The following CCDC102B variants were observed in gnomAD, a reference collection of about 807,000 sequenced individuals.
CCDC102B encodes the protein coiled-coil domain containing 102B.
CCDC102B carries 75 observed loss-of-function variants against 57.4 expected under a neutral mutation model. The observed-to-expected ratio is 1.31, with a 90% CI of 1.08 to 1.58. The LOEUF (loss-of-function observed/expected upper bound fraction) is 1.58. CCDC102B is among the 40% of genes most tolerant of loss of function. The pLI, the probability that CCDC102B is intolerant of heterozygous loss-of-function variation, is 0.00. For missense variants in CCDC102B, 636 were observed against 582.6 expected, an observed-to-expected ratio of 1.09 and a Z score of -0.94; for synonymous variants, 206 against 201.9, an observed-to-expected ratio of 1.02 and a Z score of -0.17.
intron 1 of CCDC102B, among the ~76,000 whole-genome samples, chr18:68,826,879 G>A (rs2036924145): frequency 1.3e-5 from 2 of 152,068 alleles, no homozygotes; most frequent in Non-Finnish European, 2.9e-5. Flanking sequence ...ATGGATAAGA[G>A]TTAAAATGAA....
intron 6 of CCDC102B, among the ~76,000 whole-genome samples, chr18:68,987,330 C>G (rs1352778361): frequency 6.6e-6 from 1 of 152,072 alleles, no homozygotes; most frequent in Admixed American, 6.5e-5. Context: ...AAAAGACTCC[C>G]CATTCAATAA....
At chr18:68,934,245 A>T (rs1392234550) in intron 6 of CCDC102B, among the ~76,000 whole-genome samples, 2 of 151,894 alleles carry the variant, frequency 1.3e-5, no homozygotes, top group Non-Finnish European at 2.9e-5. Context: ...TTGTCGGCAA[A>T]CTCTATGAAG....
intron 7 of CCDC102B, among the ~76,000 whole-genome samples, chr18:69,039,697 T>C (rs1343323474): frequency 1.3e-5 from 2 of 151,958 alleles, no homozygotes; most frequent in Non-Finnish European, 2.9e-5. Flanking sequence ...TTCCATTTTA[T>C]TTAATGAAAT....
chr18:68,992,183 G>C (rs2050887649), intron 6 of CCDC102B, among the ~76,000 whole-genome samples: 1 of 152,092 alleles, frequency 6.6e-6, no homozygotes, highest in Non-Finnish European at 1.5e-5. Flanking sequence ...AATTGCTTGG[G>C]AAGGGAGTTT....
At chr18:68,754,118 G>T (rs893070329) in intron 2 of CCDC102B, 1 of 151,962 alleles carries the variant, frequency 6.6e-6, no homozygotes. Flanking sequence ...ATTATTACTT[G>T]GGTGTAAATT....
chr18:68,812,298 T>C (rs2036296777), intron 1 of CCDC102B, among the ~76,000 whole-genome samples: 2 of 152,058 alleles, frequency 1.3e-5, no homozygotes, highest in African/African-American at 4.8e-5. Context: ...TTCTACTTTA[T>C]AAAAAGTGAT....
At chr18:68,873,669 G>T (rs958108579) in intron 4 of CCDC102B, among the ~76,000 whole-genome samples, 23 of 151,940 alleles carry the variant, frequency 1.5e-4, no homozygotes, top group African/African-American at 4.3e-4. Context: ...AGTTCCTGGG[G>T]ACTAGTACAT....
At chr18:68,717,449 C>T (rs574319396) in intron 2 of CCDC102B, among the ~76,000 whole-genome samples, 1 of 152,092 alleles carries the variant, frequency 6.6e-6, no homozygotes, top group South Asian at 2.1e-4. Flanking sequence ...TTAATCTCAC[C>T]TGTTTTTATT....
chr18:68,885,119 T>C (rs1022376315), intron 5 of CCDC102B, among the ~76,000 whole-genome samples: 3 of 151,982 alleles, frequency 2.0e-5, no homozygotes, highest in Non-Finnish European at 4.4e-5. Flanking sequence ...TTACATAAAA[T>C]GTAACATGGA....
At chr18:68,780,387 A>G (rs561958275) in intron 2 of CCDC102B, among the ~76,000 whole-genome samples, 1 of 151,752 alleles carries the variant, frequency 6.6e-6, no homozygotes, top group African/African-American at 2.4e-5. Context: ...GAACTGCCAG[A>G]CTATTTTCCA....
intron 6 of CCDC102B, chr18:68,900,375 T>G (rs1351131450): frequency 6.6e-6 from 1 of 152,170 alleles, no homozygotes; most frequent in Non-Finnish European, 1.5e-5. Flanking sequence ...ATTATGTTAG[T>G]GATGCTTGAT....
chr18:69,017,823 C>G (rs2051711378), intron 7 of CCDC102B, among the ~76,000 whole-genome samples: 1 of 152,186 alleles, frequency 6.6e-6, no homozygotes, highest in South Asian at 2.1e-4. Flanking sequence ...CGGGTAACCA[C>G]CTGTCTGCTC....
At chr18:68,815,313 G>A (rs1016247909) in intron 1 of CCDC102B, among the ~76,000 whole-genome samples, 2 of 152,096 alleles carry the variant, frequency 1.3e-5, no homozygotes, top group Admixed American at 1.3e-4. Context: ...TCAAATGGAT[G>A]GAATAACATC....
chr18:68,783,151 G>A (rs545671483), intron 2 of CCDC102B, among the ~76,000 whole-genome samples: 5 of 152,172 alleles, frequency 3.3e-5, no homozygotes, highest in South Asian at 2.1e-4. Flanking sequence ...GCCTGGGAAG[G>A]CTCCTGTTTT....
At chr18:68,983,891 A>G (rs2050657632) in intron 6 of CCDC102B, among the ~76,000 whole-genome samples, 1 of 152,032 alleles carries the variant, frequency 6.6e-6, no homozygotes, top group Non-Finnish European at 1.5e-5. Context: ...AAGGAGTGAA[A>G]AAATGATTCT....
chr18:68,966,812 C>T (rs769948074), intron 6 of CCDC102B, among the ~76,000 whole-genome samples: 14 of 152,046 alleles, frequency 9.2e-5, no homozygotes, highest in Non-Finnish European at 1.6e-4. Context: ...TACTGATGGG[C>T]CTAGCATGGA....
intron 2 of CCDC102B, among the ~76,000 whole-genome samples, chr18:68,760,941 T>A (rs1002647975): frequency 2.0e-5 from 3 of 151,986 alleles, no homozygotes; most frequent in Admixed American, 2.0e-4. Flanking sequence ...TAAGATACAA[T>A]GTGCAGGCAA....
At chr18:68,808,731 G>T (rs1040726089) in intron 1 of CCDC102B, among the ~76,000 whole-genome samples, 1 of 151,962 alleles carries the variant, frequency 6.6e-6, no homozygotes, top group Admixed American at 6.6e-5. Flanking sequence ...GCCCACCTTG[G>T]CCTCCCAAAG....
At chr18:68,740,620 G>A (rs1243749939) in intron 2 of CCDC102B, among the ~76,000 whole-genome samples, 1 of 152,148 alleles carries the variant, frequency 6.6e-6, no homozygotes, top group Non-Finnish European at 1.5e-5. Flanking sequence ...TGGTGAGGAG[G>A]TGAGGACCTT....
Sources: allele counts gnomAD v4.1 joint callset (sites outside exome capture counted in the v4.1 genomes callset), GRCh38; gene constraint gnomAD v4.1.1; transcripts MANE v1.5; gene names NCBI Gene and HGNC (gene_info 2026-07-23, HGNC 2026-07-21).